Variants in LRRC49 observed in about 807,000 individuals in gnomAD.
The protein encoded by LRRC49 is leucine rich repeat containing 49.
A neutral mutation model predicts 83.3 loss-of-function variants in LRRC49; 50 were observed. The ratio of observed to expected loss-of-function variants is 0.60; its 90% confidence interval spans 0.48 to 0.76. The LOEUF (loss-of-function observed/expected upper bound fraction) is 0.76, where lower values mean the gene tolerates loss of function less well. Ranked by LOEUF, LRRC49 falls within the 30% of genes least tolerant of loss-of-function variation. The pLI is 0.00. For missense variants in LRRC49, 704 were observed against 809.1 expected (o/e 0.87, Z 1.58); for synonymous variants, 286 against 283.3 (o/e 1.01, Z -0.10).
At chr15:70,894,519 T>C in intron 2 of LRRC49, 1 of 696,102 alleles carries the variant, frequency 1.4e-6, no homozygotes, top group Non-Finnish European at 2.1e-6. Context: ...TTTGATTTAA[T>C]TTTTGAGATT....
intron 11 of LRRC49, among the ~76,000 whole-genome samples, chr15:70,985,455 C>T (rs1282403820): frequency 4.6e-5 from 7 of 152,098 alleles, no homozygotes; most frequent in African/African-American, 7.2e-5. Flanking sequence ...TCATGTCCTT[C>T]GCCCACTTTT....
intron 7 of LRRC49, among the ~76,000 whole-genome samples, chr15:70,933,728 T>C (rs1260337991): frequency 6.6e-6 from 1 of 152,216 alleles, no homozygotes. Flanking sequence ...TTGAAATTTC[T>C]TGGGGTTCTG....
chr15:70,870,963 T>G (rs1386171872), intron 1 of LRRC49, among the ~76,000 whole-genome samples: 6 of 151,768 alleles, frequency 4.0e-5, no homozygotes, highest in African/African-American at 1.5e-4. Flanking sequence ...TTTTTTTTTT[T>G]TTAGTATTTA....
chr15:70,933,985 C>A (rs1167722311), intron 7 of LRRC49, among the ~76,000 whole-genome samples: 3 of 152,160 alleles, frequency 2.0e-5, no homozygotes, highest in Non-Finnish European at 2.9e-5. Flanking sequence ...TTCAGGTGAT[C>A]TGTGTTTCAT....
At position 70,980,099 on chromosome 15, in the gene LRRC49, A is replaced by G. The variant is rs764345255; in HGVS notation, c.922-2A>G. ...TAATACTTTTCGGAAAATGTCTTTT[A>G]GGAAGAAGAAAGGCGTATGGCATCT... On this transcript the variant is annotated splice_acceptor_variant, in intron 9 of 15. Coordinates refer to ENST00000260382, the MANE Select transcript of LRRC49 (RefSeq NM_017691.5). LOFTEE classifies it high-confidence loss of function. The G allele has an allele frequency of 1.3e-6, 2 of 1,597,938 alleles. No individual in the cohort carries two copies. The highest frequency in any genetic ancestry group is 8.5e-7 in the Non-Finnish European group (1 of 1,171,038).
chr15:71,021,139 G>A (rs749368907), intron 14 of LRRC49, among the ~76,000 whole-genome samples: 1 of 152,218 alleles, frequency 6.6e-6, no homozygotes, highest in Non-Finnish European at 1.5e-5. Flanking sequence ...CCATGTAGTG[G>A]CCCGTCAGCC....
At chr15:71,044,287 G>C (rs141737033) in intron 15 of LRRC49, among the ~76,000 whole-genome samples, 2 of 152,208 alleles carry the variant, frequency 1.3e-5, no homozygotes, top group East Asian at 3.9e-4. Context: ...TTTTAAGACT[G>C]GTCAATCTAT....
At chr15:70,854,382 A>T (rs1398067077) in intron 1 of LRRC49, among the ~76,000 whole-genome samples, 1 of 151,722 alleles carries the variant, frequency 6.6e-6, no homozygotes, top group Non-Finnish European at 1.5e-5. Flanking sequence ...ACCCCCGATC[A>T]CTCCCTCCGT....
At chr15:70,933,350 C>T (rs2035482467) in intron 7 of LRRC49, among the ~76,000 whole-genome samples, 1 of 152,016 alleles carries the variant, frequency 6.6e-6, no homozygotes, top group Admixed American at 6.6e-5. Flanking sequence ...CATTTTATTT[C>T]ATTTTTTTCC....
chr15:71,015,986 TAAAAA>T (rs1436513077), intron 14 of LRRC49, among the ~76,000 whole-genome samples: 1 of 152,074 alleles, frequency 6.6e-6, no homozygotes, highest in African/African-American at 2.4e-5. Flanking sequence ...TTTCAGAAAA[TAAAAA>T]TATAAGGTAC....
intron 7 of LRRC49, among the ~76,000 whole-genome samples, chr15:70,922,176 G>A (rs1030639436): frequency 2.0e-5 from 3 of 152,100 alleles, no homozygotes; most frequent in Admixed American, 1.3e-4. Flanking sequence ...CTACTGTTGG[G>A]TATATTTCCA....
intron 11 of LRRC49, among the ~76,000 whole-genome samples, chr15:70,987,601 A>C (rs1411406290): frequency 6.6e-6 from 1 of 150,966 alleles, no homozygotes. Flanking sequence ...TGGATTCATT[A>C]ATTTTTTGAA....
At chr15:70,932,366 C>CT (rs1237280406) in intron 7 of LRRC49, among the ~76,000 whole-genome samples, 2 of 151,858 alleles carry the variant, frequency 1.3e-5, no homozygotes, top group African/African-American at 2.4e-5. Context: ...TTTAATAAGT[C>CT]TTTTTTTTAA....
rs1035014553 is a variant in LRRC49, at chr15:70,963,813, T to C, written c.802T>C (p.Ser268Pro). The change falls in exon 9 of 16, where the codon TCT (serine) becomes CCT (proline). Residue 268 changes from serine (S) to proline (P), a missense_variant. Ser to Pro is a moderately conservative substitution (Grantham distance 74). Transcript: ENST00000260382. ...TGACAGTGTTTCCTGCCTTGCTGAC[T>C]CTTCTTCCCTCTCGGACATCACCTT... ...SFDSVSCLAD[S>P]SSLSDITFDG... 6 of 1,613,428 alleles carry C rather than the reference T, an allele frequency of 3.7e-6. No individual in the cohort carries two copies. Among genetic ancestry groups the C allele is most frequent in the Non-Finnish European group, 5.1e-6 (6 of 1,179,616 alleles).
chr15:70,944,762 G>T, intron 8 of LRRC49, among the ~76,000 whole-genome samples: 1 of 152,118 alleles, frequency 6.6e-6, no homozygotes, highest in East Asian at 1.9e-4. Flanking sequence ...TAATCAAAGT[G>T]CCAATTTTCT....
intron 8 of LRRC49, among the ~76,000 whole-genome samples, chr15:70,956,212 C>A (rs2036394779): frequency 6.6e-6 from 1 of 152,028 alleles, no homozygotes; most frequent in Non-Finnish European, 1.5e-5. Flanking sequence ...AATTTTATTT[C>A]TTTCTCTGTA....
intron 1 of LRRC49, among the ~76,000 whole-genome samples, chr15:70,871,603 G>T (rs1177625422): frequency 6.6e-6 from 1 of 151,900 alleles, no homozygotes; most frequent in African/African-American, 2.4e-5. Flanking sequence ...CCTGGACGGG[G>T]TGGCTGCCGG....
chr15:70,933,554 G>A (rs555117201), intron 7 of LRRC49, among the ~76,000 whole-genome samples: 27 of 152,190 alleles, frequency 1.8e-4, no homozygotes, highest in Admixed American at 7.2e-4. Context: ...CTGTCATTCC[G>A]AAATAATTTT....
intron 15 of LRRC49, among the ~76,000 whole-genome samples, chr15:71,046,930 G>A (rs1238819712): frequency 2.0e-5 from 3 of 152,130 alleles, no homozygotes; most frequent in East Asian, 1.9e-4. Context: ...TCTCAGCACC[G>A]TTTATAGAAT....
Sources: allele counts gnomAD v4.1 joint callset (sites outside exome capture counted in the v4.1 genomes callset), GRCh38; gene constraint gnomAD v4.1.1; transcripts MANE v1.5; gene names NCBI Gene and HGNC (gene_info 2026-07-23, HGNC 2026-07-21).